CAMKMT: variants seen among roughly 807,000 people sequenced by gnomAD.
CAMKMT encodes calmodulin-lysine N-methyltransferase, also known as CaM KMT.
In CAMKMT, 53 loss-of-function variants were observed where a neutral mutation model predicts 48.0. That is an observed-to-expected ratio of 1.10 (90% CI 0.89 to 1.39). The LOEUF (loss-of-function observed/expected upper bound fraction) is 1.39, where lower values mean the gene tolerates loss of function less well. CAMKMT is among the 40% of genes most tolerant of loss of function. The pLI, the probability that CAMKMT is intolerant of heterozygous loss-of-function variation, is 0.00. For synonymous variants in CAMKMT, 165 were observed against 152.3 expected (o/e 1.08, Z -0.61); for missense variants, 428 against 402.7 (o/e 1.06, Z -0.54).
At chr2:44,665,576 G>T (rs186100741) in intron 3 of CAMKMT, among the ~76,000 whole-genome samples, 304 of 152,258 alleles carry the variant, frequency 2.0e-3, no homozygotes, top group African/African-American at 7.1e-3. Context: ...CTTCCTGGAT[G>T]GTTGATCAGA....
chr2:44,655,010 G>T (rs1674298115), intron 3 of CAMKMT, among the ~76,000 whole-genome samples: 1 of 152,118 alleles, frequency 6.6e-6, no homozygotes, highest in Non-Finnish European at 1.5e-5. Context: ...ATGCTGTGAT[G>T]AACTTTCTTA....
intron 3 of CAMKMT, among the ~76,000 whole-genome samples, chr2:44,424,081 T>C (rs1684108087): frequency 6.6e-6 from 1 of 152,216 alleles, no homozygotes; most frequent in Non-Finnish European, 1.5e-5. Context: ...TAGTGTTTTG[T>C]AATTATATTT....
At chr2:44,572,549 G>T (rs1027378316) in intron 3 of CAMKMT, among the ~76,000 whole-genome samples, 1 of 152,188 alleles carries the variant, frequency 6.6e-6, no homozygotes, top group Non-Finnish European at 1.5e-5. Context: ...GGACATTTAG[G>T]TTATTTCCGT....
intron 1 of CAMKMT, among the ~76,000 whole-genome samples, chr2:44,367,912 C>A (rs752937494): frequency 6.6e-6 from 1 of 152,198 alleles, no homozygotes; most frequent in Admixed American, 6.5e-5. Flanking sequence ...TAGCCTTACT[C>A]CTCTACCCAT....
intron 3 of CAMKMT, among the ~76,000 whole-genome samples, chr2:44,583,072 G>T (rs1669650275): frequency 6.6e-6 from 1 of 151,930 alleles, no homozygotes; most frequent in South Asian, 2.1e-4. Context: ...TCATTATTTG[G>T]GTATTGATCC....
chr2:44,645,685 G>A (rs953361410), intron 3 of CAMKMT, among the ~76,000 whole-genome samples: 4 of 152,092 alleles, frequency 2.6e-5, no homozygotes, highest in African/African-American at 7.2e-5. Context: ...GCCAGTCATG[G>A]TGGCAGGTGC....
chr2:44,500,697 T>G lies in CAMKMT; in HGVS notation c.376+110392T>G, dbSNP rs185948623. 1.7e-3 allele frequency among the ~76,000 whole-genome samples: 260 copies of G among 151,794 alleles called. 10 individuals are homozygous for G. The East Asian group carries it at 0.034, about 20-fold the overall frequency. ...CCTTTTCTCAGATACTTTTTTTTTTTTTTTTCTGGAGTCTTGCTCTGTTGC... is the reference window on the plus strand; with the variant it reads ...CCTTTTCTCAGATACTTTTTTTTTTGTTTTTCTGGAGTCTTGCTCTGTTGC... On this transcript the variant is annotated intron_variant, in intron 3 of 10. Transcript: ENST00000378494.
chr2:44,727,162 A>C (rs1029301762), intron 7 of CAMKMT, among the ~76,000 whole-genome samples: 2 of 152,156 alleles, frequency 1.3e-5, no homozygotes. Context: ...GAAGAATGAC[A>C]TTGGTAGTTT....
chr2:44,418,439 TTTGTTGTTG>T (rs141165381), intron 3 of CAMKMT, among the ~76,000 whole-genome samples: 1 of 152,090 alleles, frequency 6.6e-6, no homozygotes, highest in Admixed American at 6.6e-5. Flanking sequence ...TGTTGTTGTT[TTTGTTGTTG>T]TTGTTTTTCA....
intron 3 of CAMKMT, among the ~76,000 whole-genome samples, chr2:44,652,610 C>T (rs929701729): frequency 2.6e-5 from 4 of 152,114 alleles, no homozygotes; most frequent in Admixed American, 6.5e-5. Flanking sequence ...ACTGCCTCCC[C>T]CTCTCCAAAG....
intron 3 of CAMKMT, among the ~76,000 whole-genome samples, chr2:44,678,551 A>G (rs1043689321): frequency 2.0e-4 from 30 of 152,242 alleles, no homozygotes; most frequent in African/African-American, 7.2e-4. Context: ...CCTGAAGTGC[A>G]TAATCAAATT....
At chr2:44,524,895 A>G (rs553218567) in intron 3 of CAMKMT, among the ~76,000 whole-genome samples, 1 of 151,984 alleles carries the variant, frequency 6.6e-6, no homozygotes, top group African/African-American at 2.4e-5. Flanking sequence ...TGCAATAGAT[A>G]TTATGCCTCC....
intron 3 of CAMKMT, among the ~76,000 whole-genome samples, chr2:44,472,240 T>G (rs1282613792): frequency 6.6e-6 from 1 of 152,116 alleles, no homozygotes; most frequent in African/African-American, 2.4e-5. Context: ...CTGGCTAATT[T>G]TTTTGTGTGT....
chr2:44,766,316 G>T, intron 9 of CAMKMT, 114 bp from the exon 10 acceptor site: 1 of 1,142,696 alleles, frequency 8.8e-7, no homozygotes, highest in South Asian at 1.4e-5. Context: ...GACATCTCAA[G>T]AACAATTGAG....
rs1004353493 is a variant in CAMKMT at position 44,638,059 on chromosome 2, C to CAAA, written c.377-66213_377-66211dup. ...GACCGAGCGAGACTCCATCTCAAAC[C>CAAA]AAAAAAAAAAAAAGAGAAAAAGAAA... is the stretch of plus-strand genomic sequence containing the variant. On this transcript the variant is annotated intron_variant, in intron 3 of 10. Transcript: ENST00000378494. Among the ~76,000 whole-genome samples the CAAA allele has an allele frequency of 1.9e-4, 11 of 58,648 alleles. 2 individuals are homozygous for CAAA. The highest frequency in any genetic ancestry group is 4.6e-4 in the Admixed American group (3 of 6,476). The allele number at this position is 58,648 out of a possible 152,430, so 38.5% of individuals were successfully genotyped here.
Position 44,485,500 on chromosome 2 carries a change from T to G in CAMKMT, c.376+95195T>G, listed in dbSNP as rs550243547. On this transcript the variant is annotated intron_variant, in intron 3 of 10. Coordinates refer to ENST00000378494, the MANE Select transcript of CAMKMT (RefSeq NM_024766.5). ...CAATGGCGATACGTTCTGAGAAATG[T>G]GTCCTTAGGCAATTTTGTTGTGCGA... 3.7e-3 allele frequency among the ~76,000 whole-genome samples: 570 copies of G among 152,318 alleles called. 2 individuals are homozygous for G. Among genetic ancestry groups the G allele is most frequent in the African/African-American group, 0.013 (547 of 41,572 alleles).
chr2:44,580,864 G>T (rs532700257), intron 3 of CAMKMT, among the ~76,000 whole-genome samples: 9 of 152,284 alleles, frequency 5.9e-5, no homozygotes, highest in Non-Finnish European at 8.8e-5. Context: ...CTCATCTGAG[G>T]TGTATTGATT....
chr2:44,531,794 G>A (rs1252102472), intron 3 of CAMKMT, among the ~76,000 whole-genome samples: 2 of 152,082 alleles, frequency 1.3e-5, no homozygotes, highest in African/African-American at 4.8e-5. Context: ...GTTATATACA[G>A]ATTCCTTTTA....
At chr2:44,619,834 A>G (rs1453866976) in intron 3 of CAMKMT, among the ~76,000 whole-genome samples, 1 of 152,222 alleles carries the variant, frequency 6.6e-6, no homozygotes, top group African/African-American at 2.4e-5. Flanking sequence ...AGCAATGATG[A>G]TATGTAGGAA....
Sources: gnomAD v4.1 joint callset for allele counts (sites outside exome capture counted in the v4.1 genomes callset) on GRCh38, gnomAD v4.1.1 for gene constraint, MANE v1.5 for transcripts, NCBI Gene and HGNC (gene_info 2026-07-23, HGNC 2026-07-21) for gene names.